CBLB: variants seen among roughly 807,000 people sequenced by gnomAD.
CBLB encodes Cbl proto-oncogene B.
A neutral mutation model predicts 104.9 loss-of-function variants in CBLB; 31 were observed. That is an observed-to-expected ratio of 0.30 (90% confidence interval 0.22 to 0.40). The LOEUF is 0.40. Among genes scored for constraint, CBLB ranks in the 10% least tolerant of loss-of-function variants. CBLB has a pLI of 1.00. For synonymous variants in CBLB, 440 were observed against 422.6 expected (o/e 1.04, Z -0.51); for missense variants, 1,062 against 1,214.6 (o/e 0.87, Z 1.87).
At chr3:105,753,651 G>A (rs993115928) in intron 4 of CBLB, among the ~76,000 whole-genome samples, 5 of 151,972 alleles carry the variant, frequency 3.3e-5, no homozygotes, top group East Asian at 1.9e-4. Flanking sequence ...TTTTTGTTTC[G>A]TATATAAAGT....
intron 4 of CBLB, among the ~76,000 whole-genome samples, chr3:105,770,557 T>C (rs1286339915): frequency 6.6e-6 from 1 of 152,038 alleles, no homozygotes; most frequent in East Asian, 1.9e-4. Flanking sequence ...CCAACTGAAT[T>C]TTGTAATATA....
At chr3:105,742,555 A>G (rs2075714566) in intron 6 of CBLB, among the ~76,000 whole-genome samples, 3 of 152,210 alleles carry the variant, frequency 2.0e-5, no homozygotes, top group Non-Finnish European at 4.4e-5. Flanking sequence ...AAAATCAGAT[A>G]AAATAATGCC....
chr3:105,754,511 G>GAA (rs2076876570), intron 4 of CBLB, among the ~76,000 whole-genome samples: 1 of 98,776 alleles, frequency 1.0e-5, no homozygotes, highest in Admixed American at 9.8e-5. Context: ...GAGAGAGAGA[G>GAA]AGAGAGAGAG....
chr3:105,744,150 T>C (rs1330678516), intron 6 of CBLB, among the ~76,000 whole-genome samples: 1 of 152,184 alleles, frequency 6.6e-6, no homozygotes, highest in Non-Finnish European at 1.5e-5. Context: ...AATATTGTAA[T>C]TCATGTTCTC....
Position 105,681,628 on chromosome 3 carries a change from A to G in CBLB, c.2297-18T>C. ...AACATCTCCTAGAGGATAACACAAA[A>G]CCTTAATGTATTTTCAGTACAATGG... is the stretch of plus-strand genomic sequence containing the variant. On this transcript the variant is annotated intron_variant, in intron 15 of 18. Coordinates refer to ENST00000394030, the MANE Select transcript of CBLB (RefSeq NM_170662.5). The G allele has an allele frequency of 6.2e-7, 1 of 1,614,020 alleles. No individual in the cohort carries two copies. Among genetic ancestry groups the G allele is most frequent in the East Asian group, 2.2e-5 (1 of 44,866 alleles).
intron 10 of CBLB, among the ~76,000 whole-genome samples, chr3:105,713,739 T>G (rs1253990471): frequency 1.3e-5 from 2 of 152,184 alleles, no homozygotes; most frequent in Non-Finnish European, 2.9e-5. Context: ...AAGTAAACGA[T>G]GAACAACAAA....
intron 3 of CBLB, among the ~76,000 whole-genome samples, chr3:105,794,444 T>A (rs1213078167): frequency 6.6e-6 from 1 of 152,222 alleles, no homozygotes; most frequent in East Asian, 1.9e-4. Context: ...AAAAGCATAC[T>A]TCTGTAACAG....
intron 9 of CBLB, among the ~76,000 whole-genome samples, chr3:105,733,492 TA>T (rs757305577): frequency 3.4e-4 from 52 of 152,174 alleles, no homozygotes; most frequent in Non-Finnish European, 6.0e-4. Context: ...TATGCTTCAG[TA>T]AATAGGGAAC....
chr3:105,790,049 C>T (rs544461909), intron 3 of CBLB, among the ~76,000 whole-genome samples: 19 of 152,234 alleles, frequency 1.2e-4, no homozygotes, highest in African/African-American at 4.6e-4. Context: ...CACTGCTATA[C>T]CCAAGACTTG....
intron 14 of CBLB, among the ~76,000 whole-genome samples, chr3:105,683,400 G>A (rs565277586): frequency 5.3e-5 from 8 of 152,128 alleles, no homozygotes; most frequent in South Asian, 2.1e-4. Flanking sequence ...GATTATCAAC[G>A]TTTATTACTT....
At chr3:105,731,635 T>C (rs754086838) in intron 9 of CBLB, among the ~76,000 whole-genome samples, 3 of 152,164 alleles carry the variant, frequency 2.0e-5, no homozygotes, top group African/African-American at 2.4e-5. Flanking sequence ...TATTACTTTA[T>C]AGAGACGGGG....
At chr3:105,744,017 G>T (rs1441690064) in intron 6 of CBLB, among the ~76,000 whole-genome samples, 1 of 152,092 alleles carries the variant, frequency 6.6e-6, no homozygotes. Flanking sequence ...TGTATAAAAT[G>T]TATATATTGT....
chr3:105,691,633 G>A (rs3821490), intron 13 of CBLB, among the ~76,000 whole-genome samples: 8,566 of 152,152 alleles, frequency 0.056, 425 homozygotes, highest in Admixed American at 0.14. Flanking sequence ...TTTATTACAT[G>A]CACATATATC....
At chr3:105,761,753 G>A (rs1158166325) in intron 4 of CBLB, among the ~76,000 whole-genome samples, 1 of 152,176 alleles carries the variant, frequency 6.6e-6, no homozygotes, top group East Asian at 1.9e-4. Flanking sequence ...CTGCTGTAAA[G>A]ATACCCAAAA....
chr3:105,668,927 G>A (rs935603672), intron 18 of CBLB, among the ~76,000 whole-genome samples: 2 of 152,128 alleles, frequency 1.3e-5, no homozygotes, highest in African/African-American at 2.4e-5. Flanking sequence ...AAAAAATTTT[G>A]AAATAAGACA....
intron 4 of CBLB, among the ~76,000 whole-genome samples, chr3:105,773,805 G>T (rs543933536): frequency 1.3e-5 from 2 of 152,154 alleles, no homozygotes; most frequent in African/African-American, 4.8e-5. Flanking sequence ...GGAAAAGCAT[G>T]ACTGCATTGT....
chr3:105,719,284 T>C (rs1454651792), intron 10 of CBLB, among the ~76,000 whole-genome samples: 1 of 152,250 alleles, frequency 6.6e-6, no homozygotes, highest in Admixed American at 6.5e-5. Flanking sequence ...CTATTGCCAG[T>C]GTTAGATGAC....
Position 105,693,485 on chromosome 3 carries a change from AAAACTC to A in CBLB, c.2054+3_2054+8del. The A allele has an allele frequency of 6.3e-7, 1 of 1,591,942 alleles. No individual in the cohort carries two copies. Among genetic ancestry groups the A allele is most frequent in the Non-Finnish European group, 8.6e-7 (1 of 1,160,338 alleles). On this transcript the variant is annotated splice_donor_5th_base_variant and intron_variant, in intron 13 of 18. Transcript: ENST00000394030. ...TAGACAAGTGATCTCCAAATTCAACAAAACTCACTTTATGCTAGGGAGGAGGGTGGT... is the reference window on the plus strand; with the variant it reads ...TAGACAAGTGATCTCCAAATTCAACAACTTTATGCTAGGGAGGAGGGTGGT...
At chr3:105,788,962 A>G (rs1308542425) in intron 3 of CBLB, among the ~76,000 whole-genome samples, 1 of 152,214 alleles carries the variant, frequency 6.6e-6, no homozygotes, top group Non-Finnish European at 1.5e-5. Context: ...CCAGCTGCCA[A>G]GTACCAAATG....
Sources: gnomAD v4.1 joint callset for allele counts (sites outside exome capture counted in the v4.1 genomes callset) on GRCh38, gnomAD v4.1.1 for gene constraint, MANE v1.5 for transcripts, NCBI Gene and HGNC (gene_info 2026-07-23, HGNC 2026-07-21) for gene names.